ITGBL1: variants seen among roughly 807,000 people sequenced by gnomAD.
ITGBL1 encodes integrin subunit beta like 1, also known as integrin beta-like protein 1.
In ITGBL1, 51 loss-of-function variants were observed where a neutral mutation model predicts 68.5. That is an observed-to-expected ratio of 0.74 (90% CI 0.59 to 0.94). The LOEUF (loss-of-function observed/expected upper bound fraction) is 0.94, where lower values mean the gene tolerates loss of function less well. ITGBL1 is among the 40% of genes least tolerant of loss of function. The pLI, the probability that ITGBL1 is intolerant of heterozygous loss-of-function variation, is 0.00. For synonymous variants in ITGBL1, 209 were observed against 227.3 expected (o/e 0.92, Z 0.72); for missense variants, 649 against 647.4 (o/e 1.00, Z -0.03).
chr13:101,572,840 C>G (rs954983523), intron 3 of ITGBL1, among the ~76,000 whole-genome samples: 1 of 152,048 alleles, frequency 6.6e-6, no homozygotes, highest in Non-Finnish European at 1.5e-5. Context: ...AAAACTTCCT[C>G]ATACACAGTC....
chr13:101,658,587 A>T (rs1394833841), intron 7 of ITGBL1, among the ~76,000 whole-genome samples: 1 of 152,124 alleles, frequency 6.6e-6, no homozygotes, highest in East Asian at 1.9e-4. Flanking sequence ...TATGTGTCTT[A>T]TATACTTATA....
intron 7 of ITGBL1, among the ~76,000 whole-genome samples, chr13:101,681,205 G>A (rs2033631955): frequency 6.6e-6 from 1 of 152,152 alleles, no homozygotes; most frequent in Non-Finnish European, 1.5e-5. Flanking sequence ...GGGGTAGTTA[G>A]AAGGAAGTTA....
intron 7 of ITGBL1, among the ~76,000 whole-genome samples, chr13:101,626,355 G>T (rs567772164): frequency 3.3e-5 from 5 of 152,238 alleles, no homozygotes; most frequent in African/African-American, 1.2e-4. Flanking sequence ...AGAAAAGAAT[G>T]AGTTTTGTGG....
At chr13:101,467,917 G>A (rs1180612638) in intron 2 of ITGBL1, among the ~76,000 whole-genome samples, 2 of 152,034 alleles carry the variant, frequency 1.3e-5, no homozygotes, top group Non-Finnish European at 2.9e-5. Flanking sequence ...TTTGGGCATT[G>A]CTTAAAAACT....
At chr13:101,580,271 G>A (rs953906216) in intron 5 of ITGBL1, among the ~76,000 whole-genome samples, 1 of 151,976 alleles carries the variant, frequency 6.6e-6, no homozygotes, top group Non-Finnish European at 1.5e-5. Context: ...TACAGAAATC[G>A]TAGCATACCA....
chr13:101,502,514 G>T (rs1323849208), intron 2 of ITGBL1, among the ~76,000 whole-genome samples: 1 of 152,142 alleles, frequency 6.6e-6, no homozygotes, highest in Non-Finnish European at 1.5e-5. Flanking sequence ...TTAGGTATAT[G>T]AGATAACATT....
intron 7 of ITGBL1, among the ~76,000 whole-genome samples, chr13:101,611,854 A>G (rs1479920524): frequency 6.6e-6 from 1 of 152,172 alleles, no homozygotes; most frequent in Non-Finnish European, 1.5e-5. Flanking sequence ...TTTCTGACAT[A>G]CCTTCATAGC....
chr13:101,542,024 T>A (rs1252893523), intron 2 of ITGBL1, among the ~76,000 whole-genome samples: 1 of 152,214 alleles, frequency 6.6e-6, no homozygotes, highest in African/African-American at 2.4e-5. Flanking sequence ...ATTCATTGAT[T>A]TTTTGAAGGG....
At chr13:101,482,787 GA>G (rs2048644709) in intron 2 of ITGBL1, among the ~76,000 whole-genome samples, 1 of 152,008 alleles carries the variant, frequency 6.6e-6, no homozygotes, top group Non-Finnish European at 1.5e-5. Flanking sequence ...GGTGTGTAAG[GA>G]AAAAAATTGC....
At chr13:101,494,025 C>A (rs908587029) in intron 2 of ITGBL1, among the ~76,000 whole-genome samples, 1 of 152,226 alleles carries the variant, frequency 6.6e-6, no homozygotes, top group Non-Finnish European at 1.5e-5. Flanking sequence ...GAATACTCCA[C>A]TATTCAGCCA....
At chr13:101,616,533 C>A (rs1021784722) in intron 7 of ITGBL1, among the ~76,000 whole-genome samples, 3 of 151,954 alleles carry the variant, frequency 2.0e-5, no homozygotes, top group Non-Finnish European at 4.4e-5. Context: ...CACTGTTGCC[C>A]AGGCTGGAGT....
At chr13:101,719,222 C>G (rs1231355027), downstream of ITGBL1, 1 of 151,986 alleles carries the variant, frequency 6.6e-6, no homozygotes, top group Non-Finnish European at 1.5e-5. Context: ...TAAAGACAAC[C>G]AAATCTGATA....
intron 2 of ITGBL1, among the ~76,000 whole-genome samples, chr13:101,498,745 G>A (rs182129628): frequency 5.9e-5 from 9 of 152,196 alleles, no homozygotes; most frequent in South Asian, 4.2e-4. Context: ...ATGAACGGCC[G>A]CAGATGGGGA....
intron 2 of ITGBL1, among the ~76,000 whole-genome samples, chr13:101,536,010 C>T (rs1056045783): frequency 2.0e-5 from 3 of 150,978 alleles, no homozygotes; most frequent in Admixed American, 6.6e-5. Context: ...TTCTCTTTAC[C>T]TTAAATATGA....
intron 4 of ITGBL1, among the ~76,000 whole-genome samples, chr13:101,577,706 A>T (rs2050386771): frequency 6.6e-6 from 1 of 151,988 alleles, no homozygotes; most frequent in African/African-American, 2.4e-5. Flanking sequence ...TACAAACCTG[A>T]CTCCTAAGAA....
intron 7 of ITGBL1, among the ~76,000 whole-genome samples, chr13:101,679,719 G>C (rs1348085261): frequency 6.6e-6 from 1 of 152,124 alleles, no homozygotes; most frequent in African/African-American, 2.4e-5. Flanking sequence ...TGGTGTTGTT[G>C]TAGAAGCCAT....
chr13:101,495,315 G>A (rs1303334704), intron 2 of ITGBL1, among the ~76,000 whole-genome samples: 1 of 152,132 alleles, frequency 6.6e-6, no homozygotes, highest in African/African-American at 2.4e-5. Context: ...GGCCGTTGTC[G>A]TAGCTGTGAA....
chr13:101,682,584 C>T (rs997380559), intron 7 of ITGBL1, among the ~76,000 whole-genome samples: 1 of 151,914 alleles, frequency 6.6e-6, no homozygotes, highest in Non-Finnish European at 1.5e-5. Flanking sequence ...AAAGTAATTT[C>T]ATGTTCACAA....
At chr13:101,698,326 A>G (rs2034050130) in intron 8 of ITGBL1, among the ~76,000 whole-genome samples, 1 of 152,244 alleles carries the variant, frequency 6.6e-6, no homozygotes, top group South Asian at 2.1e-4. Flanking sequence ...ATGAGCACTA[A>G]GAGCCAATAG....
Sources: allele counts gnomAD v4.1 joint callset (sites outside exome capture counted in the v4.1 genomes callset), GRCh38; gene constraint gnomAD v4.1.1; transcripts MANE v1.5; gene names NCBI Gene and HGNC (gene_info 2026-07-23, HGNC 2026-07-21).